RNF212B: variants seen among roughly 807,000 people sequenced by gnomAD.
The protein encoded by RNF212B is E3 ubiquitin-protein ligase RNF212B.
In RNF212B, 52 loss-of-function variants were observed where a neutral mutation model predicts 55.5. That is an observed-to-expected ratio of 0.94 (90% CI 0.75 to 1.18). The LOEUF (loss-of-function observed/expected upper bound fraction) is 1.18, where lower values mean the gene tolerates loss of function less well. Ranked by LOEUF, RNF212B falls within the 50% of genes most tolerant of loss-of-function variation. The pLI is 0.00. For missense variants in RNF212B, 289 were observed against 350.4 expected (o/e 0.82, Z 1.40); for synonymous variants, 99 against 121.4 (o/e 0.82, Z 1.21).
At chr14:23,188,120 C>T (rs1877773535) in intron 1 of RNF212B, 3 of 152,136 alleles carry the variant, frequency 2.0e-5, no homozygotes. Flanking sequence ...ATGCAGCTGA[C>T]CCTGCTTTGT....
At chr14:23,262,848 A>G in intron 8 of RNF212B, 80 bp from the exon 9 acceptor site, 1 of 1,458,250 alleles carries the variant, frequency 6.9e-7, no homozygotes, top group Admixed American at 2.0e-5. Context: ...TAACCAGATA[A>G]CCATGTACAA....
chr14:23,240,808 G>A (rs1194485882), intron 2 of RNF212B, among the ~76,000 whole-genome samples: 1 of 152,162 alleles, frequency 6.6e-6, no homozygotes, highest in African/African-American at 2.4e-5. Flanking sequence ...TTCTAAAGGG[G>A]AAGTGGTCTA....
At chr14:23,216,060 A>C (rs1293961511) in intron 2 of RNF212B, among the ~76,000 whole-genome samples, 1 of 89,352 alleles carries the variant, frequency 1.1e-5, no homozygotes, top group Admixed American at 1.3e-4. Flanking sequence ...CCTGGCTAAC[A>C]CGGTGAAACC....
chr14:23,224,863 G>T (rs897860709), intron 2 of RNF212B, among the ~76,000 whole-genome samples: 4 of 151,998 alleles, frequency 2.6e-5, no homozygotes, highest in African/African-American at 4.8e-5. Flanking sequence ...ATCTGACAAG[G>T]GATTAATAAC....
At chr14:23,205,315 C>CT (rs35632337) in intron 2 of RNF212B, among the ~76,000 whole-genome samples, 55 of 144,594 alleles carry the variant, frequency 3.8e-4, no homozygotes, top group South Asian at 1.7e-3. Flanking sequence ...AAAGGACACC[C>CT]TTTTTTTTTT....
chr14:23,257,745 C>T (rs899056489), intron 4 of RNF212B, among the ~76,000 whole-genome samples: 4 of 152,146 alleles, frequency 2.6e-5, no homozygotes, highest in Non-Finnish European at 4.4e-5. Flanking sequence ...TAAAAAATTA[C>T]GTGTGCATGC....
chr14:23,266,404 G>GTTTTTTTTTTT (rs57731750), intron 11 of RNF212B, among the ~76,000 whole-genome samples: 8 of 46,884 alleles, frequency 1.7e-4, no homozygotes, highest in African/African-American at 2.6e-4. Context: ...CCTTTTAAAT[G>GTTTTTTTTTTT]TTTTTTTTTT....
chr14:23,209,182 ATGGTGC>A (rs1412885874), intron 2 of RNF212B, among the ~76,000 whole-genome samples: 2 of 152,150 alleles, frequency 1.3e-5, no homozygotes, highest in Non-Finnish European at 2.9e-5. Flanking sequence ...GTAAACTGTC[ATGGTGC>A]TGGTGGGAGT....
At chr14:23,208,737 C>A (rs1052372088) in intron 2 of RNF212B, among the ~76,000 whole-genome samples, 1 of 148,164 alleles carries the variant, frequency 6.7e-6, no homozygotes, top group Non-Finnish European at 1.5e-5. Context: ...ACAGAGCAGT[C>A]CCAAGGGCTG....
At chr14:23,210,958 T>G (rs1880450559) in intron 2 of RNF212B, among the ~76,000 whole-genome samples, 1 of 151,542 alleles carries the variant, frequency 6.6e-6, no homozygotes, top group South Asian at 2.1e-4. Context: ...TAAACAGTGT[T>G]AAAGCAACAA....
intron 1 of RNF212B, among the ~76,000 whole-genome samples, chr14:23,238,534 C>A (rs146571540): frequency 4.6e-5 from 7 of 151,454 alleles, no homozygotes; most frequent in Non-Finnish European, 1.0e-4. Flanking sequence ...TCCAGACCAG[C>A]CTGGGTAACA....
At chr14:23,252,143 T>C (rs1884462821) in intron 4 of RNF212B, among the ~76,000 whole-genome samples, 1 of 151,936 alleles carries the variant, frequency 6.6e-6, no homozygotes, top group African/African-American at 2.4e-5. Flanking sequence ...CAGTGTTTGG[T>C]TCCCCTGGCA....
chr14:23,264,336 T>G (rs890899438), intron 10 of RNF212B, 102 bp downstream of exon 10: 5 of 1,004,662 alleles, frequency 5.0e-6, no homozygotes, highest in African/African-American at 1.6e-5. Context: ...TGGCATAAAT[T>G]ATCTGATGTC....
At chr14:23,204,319 A>G (rs1269448578) in intron 2 of RNF212B, among the ~76,000 whole-genome samples, 4 of 152,118 alleles carry the variant, frequency 2.6e-5, no homozygotes. Flanking sequence ...GTCTAGAAGC[A>G]TTTTTCCAAA....
rs1408618428 is a variant in RNF212B, at chr14:23,264,239, G to A, written c.585+5G>A. On this transcript the variant is annotated splice_donor_5th_base_variant and intron_variant, in intron 10 of 14. Transcript: ENST00000430154. The stretch of plus-strand genomic sequence containing the variant: ...GGCTTTGGTAGCTTGGGACAAGTAA[G>A]TAATGTTCACCTTATCTTTCCAGAT... 2.6e-6 allele frequency: 4 copies of A among 1,544,876 alleles called. No homozygotes were observed. The highest frequency in any genetic ancestry group is 3.5e-6 in the Non-Finnish European group (4 of 1,142,048).
At chr14:23,256,106 A>G (rs1432888472) in intron 4 of RNF212B, among the ~76,000 whole-genome samples, 1 of 151,996 alleles carries the variant, frequency 6.6e-6, no homozygotes, top group East Asian at 1.9e-4. Flanking sequence ...CTGTTTATGC[A>G]CTTACGACCC....
At chr14:23,227,699 AAG>A (rs1398732347) in intron 2 of RNF212B, among the ~76,000 whole-genome samples, 2 of 152,058 alleles carry the variant, frequency 1.3e-5, no homozygotes, top group Admixed American at 6.6e-5. Flanking sequence ...CTGCAGGCTC[AAG>A]AGATTCTCCC....
At chr14:23,258,363 A>C in intron 4 of RNF212B, 186 bp from the exon 5 acceptor site, 1 of 300,874 alleles carries the variant, frequency 3.3e-6, no homozygotes, top group African/African-American at 2.2e-5. Context: ...AAAAGACAGT[A>C]GAAGGCTAGT....
chr14:23,205,283 A>G lies in RNF212B; in HGVS notation c.-2+11882A>G, dbSNP rs551864743. On this transcript the variant is annotated intron_variant, in intron 2 of 15. Coordinates refer to the RNF212B transcript ENST00000399910. ...TTAAATGAGCTTGGAATTAGACAAA[A>G]ATTTTTCTCTTTTTTTTAAAAAAAG... Among the ~76,000 whole-genome samples the G allele has an allele frequency of 1.0e-4, 15 of 149,474 alleles. 1 individual carries two copies. Among genetic ancestry groups the G allele is most frequent in the South Asian group, 8.5e-4 (4 of 4,718 alleles).
Sources: gnomAD v4.1 joint callset for allele counts (sites outside exome capture counted in the v4.1 genomes callset) on GRCh38, gnomAD v4.1.1 for gene constraint, MANE v1.5 for transcripts, NCBI Gene and HGNC (gene_info 2026-07-23, HGNC 2026-07-21) for gene names.